The following PPM1L variants were observed in gnomAD, a reference collection of about 807,000 sequenced individuals.
PPM1L encodes the protein protein phosphatase 1L.
In PPM1L, 13 loss-of-function variants were observed where a neutral mutation model predicts 31.4. The observed-to-expected ratio is 0.41, with a 90% CI of 0.27 to 0.66. PPM1L has a LOEUF of 0.66. PPM1L is among the 30% of genes least tolerant of loss of function. PPM1L has a pLI of 0.29. For missense variants in PPM1L, 326 were observed against 453.7 expected, an observed-to-expected ratio of 0.72 and a Z score of 2.56; for synonymous variants, 184 against 175.4, an observed-to-expected ratio of 1.05 and a Z score of -0.39.
intron 1 of PPM1L, among the ~76,000 whole-genome samples, chr3:160,951,746 C>A (rs1179664257): frequency 1.1e-4 from 16 of 152,152 alleles, no homozygotes; most frequent in African/African-American, 3.9e-4. Flanking sequence ...CTGGGATAAT[C>A]TGTAACTTAG....
chr3:160,933,600 G>T (rs9917833), intron 1 of PPM1L, among the ~76,000 whole-genome samples: 1 of 152,096 alleles, frequency 6.6e-6, no homozygotes, highest in Non-Finnish European at 1.5e-5. Flanking sequence ...AGCTAGGGAA[G>T]TTGGTGGGTA....
At chr3:160,928,589 T>C (rs1265223379) in intron 1 of PPM1L, among the ~76,000 whole-genome samples, 1 of 152,228 alleles carries the variant, frequency 6.6e-6, no homozygotes, top group Non-Finnish European at 1.5e-5. Flanking sequence ...TGAATATTTA[T>C]GTACTCACCA....
chr3:160,875,748 T>C (rs1318468941), intron 1 of PPM1L, among the ~76,000 whole-genome samples: 1 of 152,198 alleles, frequency 6.6e-6, no homozygotes, highest in African/African-American at 2.4e-5. Context: ...TAAGTAAAAC[T>C]TTCCCAGGTC....
intron 1 of PPM1L, among the ~76,000 whole-genome samples, chr3:160,946,637 C>T (rs1163986028): frequency 6.6e-6 from 1 of 151,998 alleles, no homozygotes; most frequent in South Asian, 2.1e-4. Flanking sequence ...TGTTTGTGGG[C>T]AACTTTCTGT....
chr3:160,821,408 A>T (rs950868354), intron 1 of PPM1L, among the ~76,000 whole-genome samples: 1 of 152,062 alleles, frequency 6.6e-6, no homozygotes, highest in African/African-American at 2.4e-5. Context: ...GCCTAACCCT[A>T]GTCATATTTT....
In PPM1L at chr3:160,916,366, C is replaced by T. The variant is rs183021747; in HGVS notation, c.400-45370C>T. 1.3e-3 allele frequency among the ~76,000 whole-genome samples: 200 copies of T among 152,018 alleles called. 4 individuals carry two copies. The highest frequency in any genetic ancestry group is 0.013 in the Admixed American group (197 of 15,270). ...AAATCAAAACCACAATAAGAAGGAG[C>T]TCTTATATATCCTAGATATAATTTT... On this transcript the variant is annotated intron_variant, in intron 1 of 3. Coordinates refer to ENST00000498165, the MANE Select transcript of PPM1L (RefSeq NM_139245.4).
intron 1 of PPM1L, among the ~76,000 whole-genome samples, chr3:160,910,175 G>GTCCCCTTCCCCTTCCCCTTCCCCT (rs769534194): frequency 6.9e-6 from 1 of 145,344 alleles, no homozygotes; most frequent in African/African-American, 2.6e-5. Flanking sequence ...TTCCCTCCCT[G>GTCCCCTTCCCCTTCCCCTTCCCCT]TCCCCTTCCC....
intron 1 of PPM1L, among the ~76,000 whole-genome samples, chr3:160,774,523 C>T (rs114353671): frequency 2.3e-3 from 354 of 152,282 alleles, no homozygotes; most frequent in African/African-American, 7.9e-3. Flanking sequence ...TTTTCAGCAA[C>T]CATGATTTAT....
intron 1 of PPM1L, among the ~76,000 whole-genome samples, chr3:160,862,008 C>T (rs1231070314): frequency 6.6e-6 from 1 of 152,182 alleles, no homozygotes; most frequent in Non-Finnish European, 1.5e-5. Flanking sequence ...TCTCAAGACT[C>T]TTACCTTTAT....
intron 2 of PPM1L, among the ~76,000 whole-genome samples, chr3:161,024,421 G>A (rs538457296): frequency 6.6e-6 from 1 of 152,180 alleles, no homozygotes; most frequent in East Asian, 1.9e-4. Context: ...AGCTCTGGCC[G>A]GGTGCAGTGG....
chr3:161,055,097 GAA>G (rs994791813), intron 2 of PPM1L, among the ~76,000 whole-genome samples: 4 of 152,038 alleles, frequency 2.6e-5, no homozygotes, highest in African/African-American at 9.7e-5. Context: ...GCCTCTCAGT[GAA>G]GTCAGAGCAG....
At chr3:160,888,014 G>T (rs1712984475) in intron 1 of PPM1L, among the ~76,000 whole-genome samples, 1 of 152,116 alleles carries the variant, frequency 6.6e-6, no homozygotes, top group Non-Finnish European at 1.5e-5. Flanking sequence ...GGCCTGCCTT[G>T]CAAGAGCTCC....
chr3:160,916,210 C>T (rs1410898580), intron 1 of PPM1L, among the ~76,000 whole-genome samples: 1 of 151,860 alleles, frequency 6.6e-6, no homozygotes, highest in African/African-American at 2.4e-5. Flanking sequence ...AACAAATTTA[C>T]AAGAAAAAAA....
intron 2 of PPM1L, among the ~76,000 whole-genome samples, chr3:161,031,518 T>A (rs1718566336): frequency 6.7e-6 from 1 of 149,520 alleles, no homozygotes; most frequent in Non-Finnish European, 1.5e-5. Context: ...TTTTTTTTTT[T>A]GAGAGAGAGT....
At chr3:160,955,685 C>G (rs1216460820) in intron 1 of PPM1L, among the ~76,000 whole-genome samples, 1 of 147,022 alleles carries the variant, frequency 6.8e-6, no homozygotes, top group African/African-American at 2.5e-5. Context: ...CAGTCTCGCT[C>G]TGTCGCCCAG....
chr3:161,005,518 T>C (rs963679833), intron 2 of PPM1L, among the ~76,000 whole-genome samples: 1 of 152,140 alleles, frequency 6.6e-6, no homozygotes, highest in African/African-American at 2.4e-5. Context: ...TTTGATAAGG[T>C]ACCACAGCAT....
intron 1 of PPM1L, among the ~76,000 whole-genome samples, chr3:160,899,820 T>G (rs6441337): frequency 0.33 from 50,913 of 152,004 alleles, 9,037 homozygotes; most frequent in East Asian, 0.51. Context: ...TTCATGGATA[T>G]TTGAAGTGAA....
intron 1 of PPM1L, among the ~76,000 whole-genome samples, chr3:160,835,081 T>TCTTCTTCTTCTTCTC (rs1713666105): frequency 6.7e-6 from 1 of 150,036 alleles, no homozygotes; most frequent in South Asian, 2.1e-4. Flanking sequence ...TTCTTCTTCT[T>TCTTCTTCTTCTTCTC]CTTCTTTCTT....
chr3:160,947,153 A>T (rs1715434020), intron 1 of PPM1L, among the ~76,000 whole-genome samples: 1 of 152,214 alleles, frequency 6.6e-6, no homozygotes, highest in African/African-American at 2.4e-5. Context: ...ACTCTTCATC[A>T]TAAACCCATT....
Sources: gnomAD v4.1 joint callset for allele counts (sites outside exome capture counted in the v4.1 genomes callset) on GRCh38, gnomAD v4.1.1 for gene constraint, MANE v1.5 for transcripts, NCBI Gene and HGNC (gene_info 2026-07-23, HGNC 2026-07-21) for gene names.